The following MYMX variants were observed in gnomAD, a reference collection of about 807,000 sequenced individuals.
The protein encoded by MYMX is myomixer, myoblast fusion factor.
chr6:44,205,136 T>G, the MYMX span, among the ~76,000 whole-genome samples: 5,310 of 151,756 alleles, frequency 0.035, 310 homozygotes, highest in African/African-American at 0.12. Context: ...TTGTGGGAGG[T>G]GATATTCCCC....
At chr6:44,215,530 G>A (rs1255134802), upstream of MYMX, among the ~76,000 whole-genome samples, 1 of 152,170 alleles carries the variant, frequency 6.6e-6, no homozygotes, top group African/African-American at 2.4e-5. Context: ...ACATGATCAT[G>A]CCATGGCACT....
At chr6:44,216,423 G>T (rs1220109432), upstream of MYMX, among the ~76,000 whole-genome samples, 1 of 152,052 alleles carries the variant, frequency 6.6e-6, no homozygotes, top group Non-Finnish European at 1.5e-5. Flanking sequence ...GTCGAGGCGG[G>T]TGGATCACTT....
Position 44,217,804 on chromosome 6 carries a change from C to A in MYMX, c.*78C>A. 1 of 400,418 alleles carries A rather than the reference C, an allele frequency of 2.5e-6. No individual in the cohort carries two copies. Among genetic ancestry groups the A allele is most frequent in the South Asian group, 1.3e-4 (1 of 7,534 alleles). 24.8% of individuals were successfully genotyped at this position (400,418 alleles called of 1,614,324 possible). On this transcript the variant is annotated 3_prime_UTR_variant, in exon 2 of 2. Coordinates refer to ENST00000573382, the MANE Select transcript of MYMX (RefSeq NM_001315494.2). ...GGATAATCCTGGCACCAGCACTGACCGAAGCCTGCCCAGTGGACAGAAGAT... is the reference window on the plus strand; with the variant it reads ...GGATAATCCTGGCACCAGCACTGACAGAAGCCTGCCCAGTGGACAGAAGAT...
chr6:44,203,850 T>G, the MYMX span, among the ~76,000 whole-genome samples: 1 of 152,118 alleles, frequency 6.6e-6, no homozygotes, highest in African/African-American at 2.4e-5. Context: ...TTATTTTTAT[T>G]TATTTATTTA....
the MYMX span, among the ~76,000 whole-genome samples, chr6:44,205,540 G>A: frequency 7.2e-5 from 11 of 152,140 alleles, no homozygotes; most frequent in Non-Finnish European, 1.3e-4. Context: ...GCTGGGGGCG[G>A]TGGCTCATGC....
chr6:44,199,491 C>A, the MYMX span, among the ~76,000 whole-genome samples: 1 of 152,146 alleles, frequency 6.6e-6, no homozygotes, highest in East Asian at 1.9e-4. Flanking sequence ...AGCCCCCACG[C>A]CTGGCCCCCC....
chr6:44,213,308 C>T (rs566684610), upstream of MYMX, among the ~76,000 whole-genome samples: 11 of 151,744 alleles, frequency 7.2e-5, no homozygotes, highest in Non-Finnish European at 1.0e-4. Flanking sequence ...ATCGCTTGAA[C>T]GCGGGAAGCA....
upstream of MYMX, among the ~76,000 whole-genome samples, chr6:44,213,251 T>C (rs186514076): frequency 7.3e-5 from 11 of 151,114 alleles, no homozygotes; most frequent in African/African-American, 2.4e-4. Flanking sequence ...CTGGGCGTGG[T>C]GGCGCATGCC....
chr6:44,206,782 T>C, the MYMX span, among the ~76,000 whole-genome samples: 1 of 152,136 alleles, frequency 6.6e-6, no homozygotes, highest in South Asian at 2.1e-4. Flanking sequence ...GGCTTGGCTT[T>C]GTGACCAGTG....
the MYMX span, among the ~76,000 whole-genome samples, chr6:44,198,187 G>A: frequency 9.8e-6 from 1 of 101,558 alleles, no homozygotes; most frequent in Admixed American, 1.5e-4. Context: ...TTTTGAGATA[G>A]AGTCTCGCTC....
At chr6:44,206,402 G>A in the MYMX span, among the ~76,000 whole-genome samples, 1 of 151,892 alleles carries the variant, frequency 6.6e-6, no homozygotes, top group Non-Finnish European at 1.5e-5. Flanking sequence ...GCTAATTTTT[G>A]TATTTTTTTA....
At chr6:44,199,528 T>A in the MYMX span, among the ~76,000 whole-genome samples, 6 of 152,094 alleles carry the variant, frequency 3.9e-5, no homozygotes, top group African/African-American at 1.2e-4. Flanking sequence ...CAGCATTAAC[T>A]TGGTTATTCT....
upstream of MYMX, among the ~76,000 whole-genome samples, chr6:44,212,747 G>A (rs1775658307): frequency 6.6e-6 from 1 of 151,786 alleles, no homozygotes; most frequent in Admixed American, 6.6e-5. Flanking sequence ...CTAGAATTTG[G>A]GCTTGGTGTC....
chr6:44,206,489 C>G, the MYMX span, among the ~76,000 whole-genome samples: 8 of 152,216 alleles, frequency 5.3e-5, no homozygotes, highest in Admixed American at 5.2e-4. Flanking sequence ...GCCTCGGCCT[C>G]CCAAAGTGTT....
upstream of MYMX, among the ~76,000 whole-genome samples, chr6:44,213,483 G>T (rs142519948): frequency 0.011 from 1,657 of 148,508 alleles, 158 homozygotes; most frequent in African/African-American, 0.039. Context: ...GTGCAATGGC[G>T]CGATCTCCAC....
At position 44,217,551 on chromosome 6, in the gene MYMX, A is replaced by G; in HGVS notation, c.80A>G (p.Gln27Arg). 2.5e-6 allele frequency: 1 copy of G among 405,272 alleles called. No individual in the cohort carries two copies. The highest frequency in any genetic ancestry group is 4.4e-6 in the Non-Finnish European group (1 of 229,708). The allele number at this position is 405,272 out of a possible 1,614,324, so 25.1% of individuals were successfully genotyped here. A position where few individuals can be genotyped will look rare whatever the true frequency, so the allele number is the denominator to read the frequency against. The change falls in exon 2 of 2, where the codon CAA (glutamine) becomes CGA (arginine). Residue 27 changes from glutamine to arginine, a missense_variant. Gln to Arg is a conservative substitution (Grantham distance 43, BLOSUM62 1). Coordinates refer to ENST00000573382, the MANE Select transcript of MYMX (RefSeq NM_001315494.2). ...CTGCCTGCTGCCCGCCTGGCCCGCCAATACCTCCTGCCCCTGCTGCGCCGA... is the reference window on the plus strand; with the variant it reads ...CTGCCTGCTGCCCGCCTGGCCCGCCGATACCTCCTGCCCCTGCTGCGCCGA... ...LLLPAARLAR[Q>R]YLLPLLRRLA...
upstream of MYMX, among the ~76,000 whole-genome samples, chr6:44,214,821 C>T (rs1344785536): frequency 6.6e-6 from 1 of 152,174 alleles, no homozygotes; most frequent in Non-Finnish European, 1.5e-5. Flanking sequence ...GATCCACTCA[C>T]CTTAGCCTCC....
the MYMX span, among the ~76,000 whole-genome samples, chr6:44,204,229 C>A: frequency 2.0e-5 from 3 of 152,146 alleles, no homozygotes; most frequent in East Asian, 5.8e-4. Flanking sequence ...AATGATTTAG[C>A]AGAGAGGTAA....
the MYMX span, among the ~76,000 whole-genome samples, chr6:44,211,358 A>C: frequency 6.6e-5 from 10 of 152,322 alleles, no homozygotes; most frequent in East Asian, 1.9e-3. Context: ...TCGGTTAGGA[A>C]ACTTATAAGG....
Sources: gnomAD v4.1 joint callset for allele counts (sites outside exome capture counted in the v4.1 genomes callset) on GRCh38, gnomAD v4.1.1 for gene constraint, MANE v1.5 for transcripts, NCBI Gene and HGNC (gene_info 2026-07-23, HGNC 2026-07-21) for gene names.